SH3PXD2A: variants seen among roughly 807,000 people sequenced by gnomAD.
SH3PXD2A encodes SH3 and PX domains 2A, also known as SH3 and PX domain-containing protein 2A.
Under a neutral mutation model 115.2 loss-of-function variants are expected in SH3PXD2A, and 32 were observed. The ratio of observed to expected loss-of-function variants is 0.28; its 90% CI spans 0.21 to 0.37. SH3PXD2A has a LOEUF of 0.37. SH3PXD2A is among the 10% of genes least tolerant of loss of function. SH3PXD2A has a pLI of 1.00. For synonymous variants in SH3PXD2A, 610 were observed against 629.1 expected, an observed-to-expected ratio of 0.97 and a Z score of 0.45; for missense variants, 1,328 against 1,498.7, an observed-to-expected ratio of 0.89 and a Z score of 1.88.
chr10:103,744,352 C>T (rs567376920), intron 3 of SH3PXD2A, among the ~76,000 whole-genome samples: 1 of 152,114 alleles, frequency 6.6e-6, no homozygotes, highest in East Asian at 1.9e-4. Context: ...GGGGTTTCTC[C>T]ATGTTGGTCA....
In SH3PXD2A at chr10:103,692,334, C is replaced by T. The variant is rs963944738; in HGVS notation, c.427+694G>A. 5.3e-5 allele frequency among the ~76,000 whole-genome samples: 8 copies of T among 152,264 alleles called. No homozygotes were observed. The South Asian group carries it at 1.7e-3, about 32-fold the overall frequency. The stretch of plus-strand genomic sequence containing the variant: ...TGGCCCGCCTCTCTCCCTGCCTCCA[C>T]CCCCTTCCAAACTCTGGGCGGGCCC... On this transcript the variant is annotated intron_variant, in intron 6 of 14. Transcript: ENST00000369774.
chr10:103,718,211 C>T (rs1048463412), intron 5 of SH3PXD2A, among the ~76,000 whole-genome samples: 2 of 151,658 alleles, frequency 1.3e-5, no homozygotes, highest in African/African-American at 4.9e-5. Flanking sequence ...AGATGGGGGT[C>T]TCACTATGTT....
Position 103,805,626 on chromosome 10 carries a change from C to T in SH3PXD2A, c.73-4264G>A, listed in dbSNP as rs186182260. Among the ~76,000 whole-genome samples, 197 of 152,372 alleles carry T rather than the reference C, an allele frequency of 1.3e-3. 1 individual carries two copies. The highest frequency in any genetic ancestry group is 4.4e-3 in the African/African-American group (181 of 41,594). On this transcript the variant is annotated intron_variant, in intron 1 of 14. Transcript: ENST00000369774. ...TGAAAACTGGCAGGGCATGGTGGCT[C>T]ATGCCTGTAATCCCAGCACTTTGGG...
At chr10:103,606,475 CTCCCCT>C (rs932781814) in intron 13 of SH3PXD2A, among the ~76,000 whole-genome samples, 2 of 149,030 alleles carry the variant, frequency 1.3e-5, no homozygotes, top group East Asian at 2.0e-4. Context: ...CCCCCTCCCC[CTCCCCT>C]TCCCTCTCCC....
In SH3PXD2A at chr10:103,599,269, T is replaced by TG. The variant is rs878975191; in HGVS notation, c.*2546dup. ...CTGGGGGTCAAGGAGAGGGGGTCCT[T>TG]GGGGGGGGCTGGGAGAATGTGGGGG... On this transcript the variant is annotated 3_prime_UTR_variant, in exon 15 of 15. Coordinates refer to ENST00000369774, the MANE Select transcript of SH3PXD2A (RefSeq NM_001394015.1). The TG allele has an allele frequency of 0.07, 3,977 of 56,556 alleles. 76 individuals are homozygous for TG. Among genetic ancestry groups the TG allele is most frequent in the African/African-American group, 0.12 (1,839 of 14,880 alleles). The allele number at this position is 56,556 out of a possible 1,614,324, so 3.5% of individuals were successfully genotyped here. A position where few individuals can be genotyped will look rare whatever the true frequency, so the allele number is the denominator to read the frequency against.
chr10:103,846,733 C>T (rs1249082840), intron 1 of SH3PXD2A, among the ~76,000 whole-genome samples: 3 of 152,212 alleles, frequency 2.0e-5, no homozygotes, highest in East Asian at 1.9e-4. Flanking sequence ...GAAGATCTCA[C>T]GGCTTGAGGA....
At chr10:103,737,060 C>T (rs182787508) in intron 3 of SH3PXD2A, among the ~76,000 whole-genome samples, 101 of 152,264 alleles carry the variant, frequency 6.6e-4, no homozygotes, top group African/African-American at 2.2e-3. Context: ...GCCTGGGAAG[C>T]AAACGGAATG....
At chr10:103,795,302 C>T (rs374043846) in intron 2 of SH3PXD2A, among the ~76,000 whole-genome samples, 13 of 152,194 alleles carry the variant, frequency 8.5e-5, no homozygotes, top group East Asian at 7.7e-4. Context: ...TTAAAGCCTC[C>T]GTACCTGGGG....
rs1430316994 is a variant in SH3PXD2A, at chr10:103,597,735, A to G, written c.*4081T>C. On this transcript the variant is annotated 3_prime_UTR_variant, in exon 15 of 15. Transcript: ENST00000369774. ...TCCATTGTCCCCAATGAGCCCTGGC[A>G]TCCATCTTGGTAATATTGCACTTTT... 6.5e-6 allele frequency: 1 copy of G among 152,700 alleles called. No homozygotes were observed. Among genetic ancestry groups the G allele is most frequent in the Non-Finnish European group, 1.5e-5 (1 of 68,044 alleles). 9.5% of individuals were successfully genotyped at this position (152,700 alleles called of 1,614,324 possible).
Position 103,602,070 on chromosome 10 carries a change from G to T in SH3PXD2A, c.3148C>A (p.Arg1050Ser). The change falls in exon 15 of 15, where the codon CGC becomes AGC. Residue 1050 changes from arginine to serine, a missense_variant. Arg to Ser is a moderately radical substitution (Grantham distance 110, BLOSUM62 -1). This residue lies in a region of SH3PXD2A where 574 missense variants were observed against 565.7 expected (regional missense o/e 1.01). Transcript: ENST00000369774. Reference protein sequence around the residue: ...GSDSPLLPAQRNSIPVSPVRP... With the variant: ...GSDSPLLPAQSNSIPVSPVRP... ...ACAGGGGACACGGGTATGCTGTTGCGCTGGGCGGGCAGTAGGGGTGAGTCT... is the reference window on the plus strand; with the variant it reads ...ACAGGGGACACGGGTATGCTGTTGCTCTGGGCGGGCAGTAGGGGTGAGTCT... The T allele has an allele frequency of 6.2e-6, 10 of 1,602,740 alleles. No individual in the cohort carries two copies. The highest frequency in any genetic ancestry group is 8.5e-6 in the Non-Finnish European group (10 of 1,173,278).
intron 2 of SH3PXD2A, among the ~76,000 whole-genome samples, chr10:103,772,497 ATCGCCAGAGTCCTGGCT>A (rs1002824943): frequency 3.3e-5 from 5 of 152,236 alleles, no homozygotes; most frequent in African/African-American, 1.2e-4. Flanking sequence ...AGCAGGGCCC[ATCGCCAGAGTCCTGGCT>A]GGAGTGAGAG....
At chr10:103,609,414 C>T (rs2036390654) in intron 13 of SH3PXD2A, 1 of 152,220 alleles carries the variant, frequency 6.6e-6, no homozygotes, top group Non-Finnish European at 1.5e-5. Context: ...GATAGGCAGG[C>T]AAGCACTAAA....
At position 103,601,728 on chromosome 10, in the gene SH3PXD2A, T is replaced by G; in HGVS notation, c.*88A>C. On this transcript the variant is annotated 3_prime_UTR_variant, in exon 15 of 15. Coordinates refer to ENST00000369774, the MANE Select transcript of SH3PXD2A (RefSeq NM_001394015.1). The stretch of plus-strand genomic sequence containing the variant: ...GTCCACCCCCCACCCCCCACCCCCA[T>G]TTTTTCCTTTCCCTTTTGTTCGTCT... The G allele has an allele frequency of 5.5e-6, 1 of 180,446 alleles. No individual in the cohort carries two copies. The highest frequency in any genetic ancestry group is 1.1e-5 in the Non-Finnish European group (1 of 95,138). The allele number at this position is 180,446 out of a possible 1,614,324, so 11.2% of individuals were successfully genotyped here. A position where few individuals can be genotyped will look rare whatever the true frequency, so the allele number is the denominator to read the frequency against.
At chr10:103,710,393 A>T (rs190582633) in intron 5 of SH3PXD2A, among the ~76,000 whole-genome samples, 640 of 152,298 alleles carry the variant, frequency 4.2e-3, no homozygotes, top group Middle Eastern at 0.014. Context: ...ATAATAATTT[A>T]AAAAATGTAA....
intron 2 of SH3PXD2A, among the ~76,000 whole-genome samples, chr10:103,800,161 C>T (rs914237967): frequency 6.6e-6 from 1 of 152,146 alleles, no homozygotes; most frequent in Non-Finnish European, 1.5e-5. Context: ...GAATCTAGAA[C>T]ATCTTGGCTC....
Position 103,597,794 on chromosome 10 carries a change from G to A in SH3PXD2A, c.*4022C>T, listed in dbSNP as rs1271390322. On this transcript the variant is annotated 3_prime_UTR_variant, in exon 15 of 15. Coordinates refer to ENST00000369774, the MANE Select transcript of SH3PXD2A (RefSeq NM_001394015.1). ...TCAGATTGTTTCCATTTTTGATTGA[G>A]AATGCAAGGTATTTGGAGGGGTAGG... The A allele has an allele frequency of 6.6e-6, 1 of 152,590 alleles. No individual in the cohort carries two copies. Among genetic ancestry groups the A allele is most frequent in the Non-Finnish European group, 1.5e-5 (1 of 68,040 alleles). 9.5% of individuals were successfully genotyped at this position (152,590 alleles called of 1,614,324 possible).
At chr10:103,809,984 C>T (rs756657015) in intron 1 of SH3PXD2A, among the ~76,000 whole-genome samples, 11 of 152,146 alleles carry the variant, frequency 7.2e-5, no homozygotes, top group Non-Finnish European at 1.3e-4. Context: ...CCACCTCATC[C>T]GGCCCCACTA....
intron 8 of SH3PXD2A, among the ~76,000 whole-genome samples, chr10:103,630,755 A>AAG (rs1554905134): frequency 2.0e-5 from 3 of 151,254 alleles, no homozygotes; most frequent in African/African-American, 7.3e-5. Context: ...TAAAAAAAAA[A>AAG]AAAAAAAAAA....
chr10:103,840,199 G>A (rs1344831514), intron 1 of SH3PXD2A, among the ~76,000 whole-genome samples: 2 of 152,208 alleles, frequency 1.3e-5, no homozygotes, highest in African/African-American at 2.4e-5. Context: ...AGGTTGCCCC[G>A]CTTCCAGCTA....
Sources: gnomAD v4.1 joint callset for allele counts (sites outside exome capture counted in the v4.1 genomes callset) on GRCh38, gnomAD v4.1.1 for gene constraint, gnomAD v4.1.1 regional missense constraint, MANE v1.5 for transcripts, NCBI Gene and HGNC (gene_info 2026-07-23, HGNC 2026-07-21) for gene names.